The following FOXO3 variants were observed in gnomAD, a reference collection of about 807,000 sequenced individuals.
FOXO3 encodes the protein forkhead box protein O3.
A neutral mutation model predicts 41.9 loss-of-function variants in FOXO3; 4 were observed. The ratio of observed to expected loss-of-function variants is 0.10; its 90% confidence interval spans 0.05 to 0.22. The LOEUF (loss-of-function observed/expected upper bound fraction) is 0.22, where lower values mean the gene tolerates loss of function less well. FOXO3 is among the 10% of genes least tolerant of loss of function. FOXO3 has a pLI of 1.00. For synonymous variants in FOXO3, 318 were observed against 389.3 expected (o/e 0.82, Z 2.16); for missense variants, 534 against 906.8 (o/e 0.59, Z 5.28).
intron 1 of FOXO3, among the ~76,000 whole-genome samples, chr6:108,575,292 T>G (rs899770679): frequency 6.6e-6 from 1 of 152,052 alleles, no homozygotes; most frequent in African/African-American, 2.4e-5. Context: ...TGGTTCCATA[T>G]TTCATATTAA....
intron 1 of FOXO3, 109 bp from the exon 2 acceptor site, chr6:108,663,346 C>T: frequency 6.8e-7 from 1 of 1,464,280 alleles, no homozygotes; most frequent in Non-Finnish European, 9.0e-7. Flanking sequence ...GACCTTGTCT[C>T]AAAAAAATAA....
At chr6:108,636,194 GC>G (rs140176383) in intron 1 of FOXO3, among the ~76,000 whole-genome samples, 2,202 of 152,328 alleles carry the variant, frequency 0.014, 35 homozygotes, top group Admixed American at 0.05. Flanking sequence ...TGATCCTTGT[GC>G]CCAGGTCCCA....
chr6:108,611,238 T>A (rs1224520319), intron 1 of FOXO3, among the ~76,000 whole-genome samples: 1 of 152,224 alleles, frequency 6.6e-6, no homozygotes, highest in African/African-American at 2.4e-5. Flanking sequence ...GTTATAGAAA[T>A]ATACCGGAAT....
chr6:108,623,595 CTG>C (rs1432809904), intron 1 of FOXO3, among the ~76,000 whole-genome samples: 3 of 152,126 alleles, frequency 2.0e-5, no homozygotes, highest in Admixed American at 6.6e-5. Flanking sequence ...GTTTTGATGT[CTG>C]TACTATACAA....
chr6:108,620,151 A>G (rs1290077069), intron 1 of FOXO3, among the ~76,000 whole-genome samples: 1 of 152,152 alleles, frequency 6.6e-6, no homozygotes, highest in East Asian at 1.9e-4. Flanking sequence ...TTAAGTTAAT[A>G]AATTCTTTTA....
At chr6:108,566,294 T>C (rs1775945141) in intron 1 of FOXO3, among the ~76,000 whole-genome samples, 1 of 152,162 alleles carries the variant, frequency 6.6e-6, no homozygotes, top group Admixed American at 6.5e-5. Flanking sequence ...TTTTAGGAGA[T>C]TTTAGGAGTG....
chr6:108,671,634 G>A (rs1374487804), intron 2 of FOXO3, among the ~76,000 whole-genome samples: 1 of 152,210 alleles, frequency 6.6e-6, no homozygotes, highest in East Asian at 1.9e-4. Context: ...GTTATTTAAT[G>A]TTTATTGTGA....
chr6:108,674,907 A>G (rs1770523570), intron 2 of FOXO3, among the ~76,000 whole-genome samples: 1 of 152,156 alleles, frequency 6.6e-6, no homozygotes, highest in Non-Finnish European at 1.5e-5. Context: ...AACATAATCT[A>G]AAAGTGTACA....
intron 1 of FOXO3, among the ~76,000 whole-genome samples, chr6:108,603,923 AATG>A (rs1386078035): frequency 6.6e-6 from 1 of 152,188 alleles, no homozygotes; most frequent in African/African-American, 2.4e-5. Context: ...GTATTTTTGT[AATG>A]ATCTTGGAAA....
At chr6:108,675,060 G>A (rs772819339) in intron 2 of FOXO3, among the ~76,000 whole-genome samples, 4 of 151,978 alleles carry the variant, frequency 2.6e-5, no homozygotes, top group Non-Finnish European at 5.9e-5. Flanking sequence ...GAAAAATATT[G>A]GTTAACATAA....
chr6:108,637,303 T>C (rs574207313), intron 1 of FOXO3, among the ~76,000 whole-genome samples: 35 of 152,286 alleles, frequency 2.3e-4, no homozygotes, highest in African/African-American at 8.4e-4. Flanking sequence ...CTCGAGGTGC[T>C]GCTGGGTTCG....
At position 108,561,090 on chromosome 6, in the gene FOXO3, C is replaced by A; in HGVS notation, c.-119C>A. 1 of 1,428,266 alleles carries A rather than the reference C, an allele frequency of 7.0e-7. No homozygotes were observed. Among genetic ancestry groups the A allele is most frequent in the South Asian group, 1.4e-5 (1 of 69,622 alleles). The allele number at this position is 1,428,266 out of a possible 1,614,324, so 88.5% of individuals were successfully genotyped here. On this transcript the variant is annotated 5_prime_UTR_variant, in exon 1 of 3. Coordinates refer to ENST00000406360, the MANE Select transcript of FOXO3 (RefSeq NM_001455.4). ...TCTTCTTTGGTGCTTCCCCAGGCGG[C>A]GGCGGCGGCGCCCGGGAGCCGGAGC... is the stretch of plus-strand genomic sequence containing the variant.
intron 1 of FOXO3, among the ~76,000 whole-genome samples, chr6:108,579,695 C>CT (rs1288319183): frequency 6.6e-6 from 1 of 152,102 alleles, no homozygotes; most frequent in Non-Finnish European, 1.5e-5. Context: ...GAGAGGGTAT[C>CT]TTGAAAGGAT....
chr6:108,597,991 A>G (rs1776934778), intron 1 of FOXO3, among the ~76,000 whole-genome samples: 1 of 152,192 alleles, frequency 6.6e-6, no homozygotes, highest in Non-Finnish European at 1.5e-5. Flanking sequence ...TGTCTTTTAA[A>G]CCCATAAATT....
chr6:108,606,386 T>G (rs1751599635), intron 1 of FOXO3, among the ~76,000 whole-genome samples: 1 of 152,224 alleles, frequency 6.6e-6, no homozygotes. Flanking sequence ...CGGTGTTTTC[T>G]GCATAGTAAT....
At chr6:108,656,203 A>T in intron 1 of FOXO3, 2 of 205,654 alleles carry the variant, frequency 9.7e-6, no homozygotes, top group Non-Finnish European at 1.7e-5. Context: ...TTTAAGAGTT[A>T]AATTACACAA....
At chr6:108,592,302 A>T (rs187364610) in intron 1 of FOXO3, among the ~76,000 whole-genome samples, 1 of 152,200 alleles carries the variant, frequency 6.6e-6, no homozygotes, top group African/African-American at 2.4e-5. Flanking sequence ...CATAAAGTTG[A>T]TTTGAACCGA....
At chr6:108,614,573 CT>C (rs904717324) in intron 1 of FOXO3, among the ~76,000 whole-genome samples, 21 of 152,068 alleles carry the variant, frequency 1.4e-4, no homozygotes, top group South Asian at 8.3e-4. Context: ...TATGGCAGAT[CT>C]TTTTTCCTTG....
intron 1 of FOXO3, among the ~76,000 whole-genome samples, chr6:108,579,972 A>C (rs1024900836): frequency 3.9e-5 from 6 of 152,054 alleles, no homozygotes; most frequent in African/African-American, 1.4e-4. Flanking sequence ...TACAGAGTTG[A>C]AGTTTGAAAA....
Sources: allele counts gnomAD v4.1 joint callset (sites outside exome capture counted in the v4.1 genomes callset), GRCh38; gene constraint gnomAD v4.1.1; transcripts MANE v1.5; gene names NCBI Gene and HGNC (gene_info 2026-07-23, HGNC 2026-07-21).